Variants in ASB3 observed in about 807,000 individuals in gnomAD.
ASB3 encodes the protein ankyrin repeat and SOCS box protein 3.
ASB3 carries 41 observed loss-of-function variants against 54.5 expected under a neutral mutation model. The observed-to-expected ratio is 0.75, with a 90% CI of 0.59 to 0.98. The LOEUF (loss-of-function observed/expected upper bound fraction) is 0.98, where lower values mean the gene tolerates loss of function less well. ASB3 is among the 50% of genes least tolerant of loss of function. The pLI, the probability that ASB3 is intolerant of heterozygous loss-of-function variation, is 0.00. For missense variants in ASB3, 733 were observed against 620.0 expected, an observed-to-expected ratio of 1.18 and a Z score of -1.94; for synonymous variants, 266 against 221.2, an observed-to-expected ratio of 1.20 and a Z score of -1.80.
chr2:53,751,425 T>G (rs968664018), intron 2 of ASB3, among the ~76,000 whole-genome samples: 1 of 152,170 alleles, frequency 6.6e-6, no homozygotes, highest in Admixed American at 6.5e-5. Flanking sequence ...AAGACTATGG[T>G]TTAATTGTTA....
intron 2 of ASB3, among the ~76,000 whole-genome samples, chr2:53,751,585 A>C (rs538607695): frequency 1.8e-4 from 28 of 152,336 alleles, no homozygotes; most frequent in African/African-American, 6.7e-4. Context: ...TGATATTTAC[A>C]CAATAAAATT....
At chr2:53,671,522 G>C (rs1319163367) in intron 9 of ASB3, among the ~76,000 whole-genome samples, 3 of 152,216 alleles carry the variant, frequency 2.0e-5, no homozygotes, top group African/African-American at 7.2e-5. Context: ...TACTTTGGGA[G>C]GCTGAGGCGG....
chr2:53,783,721 T>C (rs1036804775), intron 1 of ASB3, among the ~76,000 whole-genome samples: 1 of 152,198 alleles, frequency 6.6e-6, no homozygotes, highest in Non-Finnish European at 1.5e-5. Flanking sequence ...AACAAAATGA[T>C]TGTGGACTAA....
intron 3 of ASB3, among the ~76,000 whole-genome samples, chr2:53,735,637 A>G (rs1270067654): frequency 5.0e-5 from 7 of 141,332 alleles, no homozygotes; most frequent in Non-Finnish European, 9.1e-5. Flanking sequence ...TAATAGTTGG[A>G]AAAAAAAAAA....
At chr2:53,761,984 C>T (rs1225175971) in intron 2 of ASB3, among the ~76,000 whole-genome samples, 1 of 152,182 alleles carries the variant, frequency 6.6e-6, no homozygotes, top group African/African-American at 2.4e-5. Flanking sequence ...AAATACTACA[C>T]AAAAGTGTTT....
chr2:53,762,316 G>A (rs1442468399), intron 2 of ASB3, among the ~76,000 whole-genome samples: 1 of 152,088 alleles, frequency 6.6e-6, no homozygotes, highest in East Asian at 1.9e-4. Context: ...TGGAACAATG[G>A]AATATTTCTA....
intron 2 of ASB3, among the ~76,000 whole-genome samples, chr2:53,755,455 T>TA (rs960533394): frequency 6.6e-6 from 1 of 152,222 alleles, no homozygotes; most frequent in African/African-American, 2.4e-5. Flanking sequence ...GTAGAGGAGA[T>TA]AGGTTAAGTA....
At chr2:53,756,561 T>G (rs931098721) in intron 2 of ASB3, among the ~76,000 whole-genome samples, 1 of 152,168 alleles carries the variant, frequency 6.6e-6, no homozygotes, top group Non-Finnish European at 1.5e-5. Flanking sequence ...ATCAGCAGAC[T>G]GAATAAACAA....
intron 7 of ASB3, among the ~76,000 whole-genome samples, chr2:53,704,917 A>G (rs971283986): frequency 6.6e-6 from 1 of 152,210 alleles, no homozygotes; most frequent in African/African-American, 2.4e-5. Context: ...CTACAACTAT[A>G]TAACTTTCTG....
intron 6 of ASB3, 148 bp downstream of exon 6, chr2:53,716,418 C>T: frequency 3.2e-6 from 3 of 937,168 alleles, no homozygotes; most frequent in Non-Finnish European, 4.5e-6. Flanking sequence ...GCATGAAGGA[C>T]AGATTAGGGG....
chr2:53,694,094 A>C (rs184641040), intron 8 of ASB3, 80 bp from the exon 9 acceptor site: 1 of 1,499,698 alleles, frequency 6.7e-7, no homozygotes, highest in African/African-American at 1.4e-5. Context: ...CCACATACCT[A>C]TTCTTACAAA....
chr2:53,678,456 T>C (rs1187338631), intron 9 of ASB3, among the ~76,000 whole-genome samples: 1 of 152,224 alleles, frequency 6.6e-6, no homozygotes, highest in Non-Finnish European at 1.5e-5. Context: ...AAAATACTAC[T>C]TCTTTACAGA....
Position 53,714,556 on chromosome 2 carries a change from T to C in ASB3, c.808A>G (p.Thr270Ala), listed in dbSNP as rs370757147. The change falls in exon 7 of 10, where the codon ACT becomes GCT. Residue 270 changes from threonine to alanine, a missense_variant. Thr to Ala is a moderately conservative substitution (Grantham distance 58). Coordinates refer to ENST00000263634, the MANE Select transcript of ASB3 (RefSeq NM_016115.5). Reference protein sequence around the residue: ...TKILDLLIPLTNRACDTGLNK... With the variant: ...TKILDLLIPLANRACDTGLNK... ...AGCCCAGTGTCACAGGCCCGGTTAG[T>C]AAGTGGTATTAACAAGTCCAAGATT... 1.8e-5 allele frequency: 29 copies of C among 1,614,076 alleles called. No individual in the cohort carries two copies. In the East Asian group the frequency reaches 4.9e-4, roughly 27 times the overall value.
intron 1 of ASB3, among the ~76,000 whole-genome samples, chr2:53,769,951 CAT>C (rs776281766): frequency 5.3e-5 from 8 of 152,190 alleles, no homozygotes; most frequent in Non-Finnish European, 1.0e-4. Flanking sequence ...ATTTATTTCA[CAT>C]GTTAGTTTGC....
chr2:53,726,722 G>C (rs532809731), intron 5 of ASB3, among the ~76,000 whole-genome samples: 1 of 151,352 alleles, frequency 6.6e-6, no homozygotes, highest in South Asian at 2.1e-4. Flanking sequence ...TTGAGACAGA[G>C]TCTCACTCTT....
intron 9 of ASB3, among the ~76,000 whole-genome samples, chr2:53,678,768 C>G (rs1445969338): frequency 6.6e-6 from 1 of 152,212 alleles, no homozygotes; most frequent in African/African-American, 2.4e-5. Context: ...CCCCTCTTCT[C>G]CTCACAAAAG....
intron 3 of ASB3, among the ~76,000 whole-genome samples, chr2:53,739,729 A>G (rs1192243702): frequency 6.6e-6 from 1 of 151,960 alleles, no homozygotes; most frequent in Admixed American, 6.6e-5. Context: ...ACGATGGAGG[A>G]CAGTGGCACA....
intron 9 of ASB3, among the ~76,000 whole-genome samples, chr2:53,683,267 T>C (rs1668470641): frequency 6.6e-6 from 1 of 152,258 alleles, no homozygotes; most frequent in Non-Finnish European, 1.5e-5. Flanking sequence ...CGTACCACAC[T>C]GATTGATCTG....
intron 9 of ASB3, among the ~76,000 whole-genome samples, chr2:53,683,606 T>A (rs1326542016): frequency 6.6e-5 from 10 of 152,182 alleles, no homozygotes; most frequent in Admixed American, 6.5e-4. Flanking sequence ...CATCAGGTCC[T>A]GAACTTTTTT....
Sources: allele counts gnomAD v4.1 joint callset (sites outside exome capture counted in the v4.1 genomes callset), GRCh38; gene constraint gnomAD v4.1.1; transcripts MANE v1.5; gene names NCBI Gene and HGNC (gene_info 2026-07-23, HGNC 2026-07-21).